CMYA5: variants seen among roughly 807,000 people sequenced by gnomAD.
CMYA5 encodes the protein cardiomyopathy associated 5.
Under a neutral mutation model 318.9 loss-of-function variants are expected in CMYA5, and 246 were observed. The ratio of observed to expected loss-of-function variants is 0.77; its 90% CI spans 0.70 to 0.86. The LOEUF is 0.86. Among genes scored for constraint, CMYA5 ranks in the 40% least tolerant of loss-of-function variants. CMYA5 has a pLI of 0.00. For synonymous variants in CMYA5, 1,641 were observed against 1,729.5 expected (o/e 0.95, Z 1.27); for missense variants, 4,589 against 4,678.2 (o/e 0.98, Z 0.56).
chr5:79,753,058 CT>C lies in CMYA5; in HGVS notation c.11110+275del, dbSNP rs547760067. Among the ~76,000 whole-genome samples the C allele has an allele frequency of 5.0e-3, 727 of 146,416 alleles. 6 individuals carry two copies. Among genetic ancestry groups the C allele is most frequent in the African/African-American group, 0.015 (614 of 40,094 alleles). ...GAGCCATGGAACCAAAGGGTCTCCT[CT>C]TTTTTTTTTTCTTTAATTTAAAAAT... On this transcript the variant is annotated intron_variant, in intron 6 of 12. Transcript: ENST00000446378.
rs1321654279 is a variant in CMYA5 at position 79,731,997 on chromosome 5, T to C, written c.3232T>C (p.Leu1078=). The C allele has an allele frequency of 1.9e-6, 3 of 1,613,920 alleles. No individual in the cohort carries two copies. Among genetic ancestry groups the C allele is most frequent in the Non-Finnish European group, 2.5e-6 (3 of 1,179,856 alleles). Residue 1078 remains leucine, a synonymous_variant, in exon 2 of 13, where the codon TTA becomes CTA. Coordinates refer to ENST00000446378, the MANE Select transcript of CMYA5 (RefSeq NM_153610.5). ...TFPLMSPLED[L]SLPPSTDKSE... ...CCCTTTGATGTCTCCGCTTGAAGAC[T>C]TAAGTCTGCCGCCTTCAACAGATAA... is the stretch of plus-strand genomic sequence containing the variant.
At chr5:79,778,422 C>T (rs1293784923) in intron 9 of CMYA5, among the ~76,000 whole-genome samples, 1 of 152,138 alleles carries the variant, frequency 6.6e-6, no homozygotes, top group Non-Finnish European at 1.5e-5. Flanking sequence ...CTTGCCTAAA[C>T]ATTGGATGAT....
chr5:79,724,273 G>A (rs1388364384), intron 1 of CMYA5, among the ~76,000 whole-genome samples: 5 of 151,928 alleles, frequency 3.3e-5, no homozygotes, highest in Admixed American at 3.3e-4. Flanking sequence ...GCAGTGAGCC[G>A]AGATCGCACC....
In CMYA5 at chr5:79,736,419, A is replaced by G. The variant is rs1828069100; in HGVS notation, c.7654A>G (p.Lys2552Glu). The change falls in exon 2 of 13, where the codon AAG (lysine) becomes GAG (glutamate). Residue 2552 changes from lysine to glutamate, a missense_variant. Coordinates refer to ENST00000446378, the MANE Select transcript of CMYA5 (RefSeq NM_153610.5). Reference protein sequence around the residue: ...ENQVYVLSEGKKQQEHQPYSV... With the variant: ...ENQVYVLSEGEKQQEHQPYSV... ...TCAGGTATATGTGCTTTCAGAAGGA[A>G]AGAAGCAGCAGGAACATCAGCCTTA... The G allele has an allele frequency of 6.2e-7, 1 of 1,609,094 alleles. No individual in the cohort carries two copies. Among genetic ancestry groups the G allele is most frequent in the East Asian group, 2.2e-5 (1 of 44,728 alleles).
At chr5:79,722,498 G>C (rs1827660371) in intron 1 of CMYA5, among the ~76,000 whole-genome samples, 1 of 152,020 alleles carries the variant, frequency 6.6e-6, no homozygotes, top group Admixed American at 6.6e-5. Context: ...CCAACATGAT[G>C]AAACACCATG....
In CMYA5 at chr5:79,731,625, G is replaced by C. The variant is rs542329302; in HGVS notation, c.2860G>C (p.Glu954Gln). ...TTCTCCAGATTCTGCATTTGTGTCA[G>C]AATTCTCATTTCCACCGTATGCAAC... ...PFSPDSAFVS[E>Q]FSFPPYATQE... The change falls in exon 2 of 13, where the codon GAA becomes CAA. Residue 954 changes from glutamate (E) to glutamine (Q), a missense_variant. This residue lies in a region of CMYA5 where 2,132 missense variants were observed against 2,131.3 expected (regional missense o/e 1.00). Transcript: ENST00000446378. 1.2e-6 allele frequency: 2 copies of C among 1,613,824 alleles called. No individual in the cohort carries two copies. Among genetic ancestry groups the C allele is most frequent in the African/African-American group, 1.3e-5 (1 of 75,046 alleles).
Position 79,761,968 on chromosome 5 carries a change from G to A in CMYA5, c.11407+11G>A. ...CCATCTTTAGGACAGGTAAGGAGAT[G>A]GATGCTAAGGGTGCATTAGAAGACA... On this transcript the variant is annotated intron_variant, in intron 8 of 12. Transcript: ENST00000446378. 1 of 1,606,196 alleles carries A rather than the reference G, an allele frequency of 6.2e-7. No individual in the cohort carries two copies. Among genetic ancestry groups the A allele is most frequent in the Non-Finnish European group, 8.5e-7 (1 of 1,176,576 alleles).
In CMYA5 at chr5:79,739,215, G is replaced by A. The variant is rs533719768; in HGVS notation, c.10450G>A (p.Glu3484Lys). Residue 3484 changes from glutamate to lysine, a missense_variant, in exon 2 of 13, where the codon GAG (glutamate) becomes AAG (lysine). By Grantham distance (56) the Glu-to-Lys change is moderately conservative. Coordinates refer to ENST00000446378, the MANE Select transcript of CMYA5 (RefSeq NM_153610.5). ...TPAEQKELGS[E>K]RKEEDQLSSE... ...TGCTGAACAAAAAGAGTTGGGCAGC[G>A]AGAGGAAAGAAGAAGACCAATTATC... 62 of 1,613,144 alleles carry A rather than the reference G, an allele frequency of 3.8e-5. No individual in the cohort carries two copies. In the East Asian group the frequency reaches 7.1e-4, roughly 19 times the overall value.
chr5:79,761,403 G>T (rs2151094840), intron 7 of CMYA5, among the ~76,000 whole-genome samples: 1 of 152,210 alleles, frequency 6.6e-6, no homozygotes, highest in South Asian at 2.1e-4. Context: ...AAACCATGAA[G>T]TTGTCCTTTT....
At chr5:79,722,299 T>C (rs1212591500) in intron 1 of CMYA5, among the ~76,000 whole-genome samples, 4 of 152,250 alleles carry the variant, frequency 2.6e-5, no homozygotes, top group Non-Finnish European at 5.9e-5. Context: ...CTTTAGGTTA[T>C]ACATCTAAAT....
intron 1 of CMYA5, among the ~76,000 whole-genome samples, chr5:79,707,689 T>A (rs936390612): frequency 6.6e-5 from 10 of 152,222 alleles, no homozygotes; most frequent in Non-Finnish European, 1.5e-5. Context: ...CATTTCCACA[T>A]AACTACCTTA....
Position 79,791,043 on chromosome 5 carries a change from C to G in CMYA5, c.11763C>G (p.Ser3921Arg). The change falls in exon 11 of 13, where the codon AGC (serine) becomes AGG (arginine). Residue 3921 changes from serine (S) to arginine (R), a missense_variant. Around this residue, in one of 3 missense-constraint regions of CMYA5, gnomAD observed 2,431 missense variants for 2,495.1 expected, o/e 0.97. Coordinates refer to ENST00000446378, the MANE Select transcript of CMYA5 (RefSeq NM_153610.5). ...TTTCCTCAAGTGGGACAGTGATCAG[C>G]TTTGGTGAGAGGAGACGGCTGACGG... The part of the protein sequence containing the change: ...LHISSSGTVI[S>R]FGERRRLTEI... 4.3e-6 allele frequency: 7 copies of G among 1,613,666 alleles called. No homozygotes were observed. The highest frequency in any genetic ancestry group is 5.9e-6 in the Non-Finnish European group (7 of 1,179,690).
intron 9 of CMYA5, among the ~76,000 whole-genome samples, chr5:79,769,830 G>A (rs1195803313): frequency 6.6e-6 from 1 of 152,228 alleles, no homozygotes; most frequent in Non-Finnish European, 1.5e-5. Context: ...CTTGAGTGCT[G>A]TGCTGGGAGA....
chr5:79,786,298 C>G, intron 9 of CMYA5, among the ~76,000 whole-genome samples: 1 of 152,240 alleles, frequency 6.6e-6, no homozygotes, highest in South Asian at 2.1e-4. Context: ...ATAAAGCCAT[C>G]TCTTTCCATT....
chr5:79,742,886 A>C (rs547862541), intron 2 of CMYA5, among the ~76,000 whole-genome samples: 32 of 152,312 alleles, frequency 2.1e-4, no homozygotes, highest in East Asian at 3.9e-4. Context: ...ATGTTAGCAA[A>C]GGTGTCTCTA....
intron 3 of CMYA5, among the ~76,000 whole-genome samples, chr5:79,744,953 G>A (rs1294093796): frequency 6.6e-6 from 1 of 152,202 alleles, no homozygotes; most frequent in Non-Finnish European, 1.5e-5. Flanking sequence ...AGGTGGGCAA[G>A]ACTTCCATAT....
chr5:79,754,178 G>A (rs1465736411), intron 6 of CMYA5, among the ~76,000 whole-genome samples: 1 of 152,202 alleles, frequency 6.6e-6, no homozygotes, highest in East Asian at 1.9e-4. Flanking sequence ...AGCCCAGGGT[G>A]TTGACTTGCT....
intron 9 of CMYA5, among the ~76,000 whole-genome samples, chr5:79,774,952 T>C (rs984809693): frequency 1.3e-5 from 2 of 152,174 alleles, no homozygotes; most frequent in Non-Finnish European, 2.9e-5. Context: ...TGACCAGTGG[T>C]CAACAGCAAG....
chr5:79,737,686 A>C lies in CMYA5; in HGVS notation c.8921A>C (p.Gln2974Pro). Residue 2974 changes from glutamine (Q) to proline (P), a missense_variant, in exon 2 of 13, where the codon CAA (glutamine) becomes CCA (proline). By Grantham distance (76) the Gln-to-Pro change is moderately conservative (BLOSUM62 -1). Around this residue, in one of 3 missense-constraint regions of CMYA5, gnomAD observed 2,431 missense variants for 2,495.1 expected, o/e 0.97. Transcript: ENST00000446378. ...SIDQEESEQM[Q>P]DKLEYLEEKA... ...GATCAGGAAGAAAGTGAACAAATGCAAGATAAATTAGAATATTTGGAAGAG... is the reference window on the plus strand; with the variant it reads ...GATCAGGAAGAAAGTGAACAAATGCCAGATAAATTAGAATATTTGGAAGAG... The C allele has an allele frequency of 6.2e-7, 1 of 1,612,692 alleles. No homozygotes were observed. Among genetic ancestry groups the C allele is most frequent in the Non-Finnish European group, 8.5e-7 (1 of 1,179,534 alleles).
Sources: allele counts gnomAD v4.1 joint callset (sites outside exome capture counted in the v4.1 genomes callset), GRCh38; gene constraint gnomAD v4.1.1; regional missense constraint gnomAD v4.1.1; transcripts MANE v1.5; gene names NCBI Gene and HGNC (gene_info 2026-07-23, HGNC 2026-07-21).